HS3ST4: variants seen among roughly 807,000 people sequenced by gnomAD.
HS3ST4 encodes heparan sulfate-glucosamine 3-sulfotransferase 4.
Under a neutral mutation model 29.2 loss-of-function variants are expected in HS3ST4, and 17 were observed. The ratio of observed to expected loss-of-function variants is 0.58; its 90% CI spans 0.40 to 0.87. The LOEUF is 0.87. HS3ST4 is among the 40% of genes least tolerant of loss of function. HS3ST4 has a pLI of 0.00. For missense variants in HS3ST4, 627 were observed against 634.5 expected (o/e 0.99, Z 0.13); for synonymous variants, 314 against 285.7 (o/e 1.10, Z -1.00).
At chr16:25,953,922 G>A (rs1421062120) in intron 1 of HS3ST4, among the ~76,000 whole-genome samples, 1 of 152,142 alleles carries the variant, frequency 6.6e-6, no homozygotes, top group Non-Finnish European at 1.5e-5. Context: ...TTGATTGAGG[G>A]GTGCTCCTGC....
rs534065435 is a variant in HS3ST4 at position 25,908,324 on chromosome 16, T to C, written c.734+215173T>C. On this transcript the variant is annotated intron_variant, in intron 1 of 1. Coordinates refer to ENST00000331351, the MANE Select transcript of HS3ST4 (RefSeq NM_006040.3). The stretch of plus-strand genomic sequence containing the variant: ...GCTGAGTCCATGAACTGACCCTTCC[T>C]TCCTTACATGCTTAAAAGATGTGGT... Among the ~76,000 whole-genome samples, 4 of 152,340 alleles carry C rather than the reference T, an allele frequency of 2.6e-5. No individual in the cohort carries two copies. The East Asian group carries it at 7.7e-4, about 29-fold the overall frequency.
chr16:25,695,636 G>T (rs1241185676), intron 1 of HS3ST4, among the ~76,000 whole-genome samples: 2 of 152,146 alleles, frequency 1.3e-5, no homozygotes, highest in Admixed American at 6.5e-5. Flanking sequence ...CTGATCAGTG[G>T]CATCGATTCC....
At chr16:25,774,235 G>A (rs1966845493) in intron 1 of HS3ST4, among the ~76,000 whole-genome samples, 1 of 152,264 alleles carries the variant, frequency 6.6e-6, no homozygotes, top group Admixed American at 6.5e-5. Flanking sequence ...AACAGCCACA[G>A]TGAGAGTGCT....
intron 1 of HS3ST4, among the ~76,000 whole-genome samples, chr16:25,850,291 A>G (rs758112098): frequency 3.3e-5 from 5 of 152,018 alleles, no homozygotes; most frequent in African/African-American, 1.2e-4. Flanking sequence ...CCCGGCCCCT[A>G]TTTTTTTAAA....
intron 1 of HS3ST4, among the ~76,000 whole-genome samples, chr16:25,944,211 A>G (rs1434128335): frequency 2.0e-5 from 3 of 152,194 alleles, no homozygotes; most frequent in Admixed American, 2.0e-4. Context: ...CAGACACTGG[A>G]GAGTGGGTAA....
intron 1 of HS3ST4, among the ~76,000 whole-genome samples, chr16:26,065,909 G>A (rs558124107): frequency 2.6e-5 from 4 of 152,300 alleles, no homozygotes; most frequent in South Asian, 4.1e-4. Flanking sequence ...CCTTGCACTG[G>A]CTTCTTAGTT....
chr16:25,798,121 A>G (rs555710838), intron 1 of HS3ST4, among the ~76,000 whole-genome samples: 1 of 151,556 alleles, frequency 6.6e-6, no homozygotes, highest in South Asian at 2.1e-4. Flanking sequence ...GGAGTAAAAA[A>G]CTCCCTCACT....
chr16:26,022,383 C>A (rs1382148053), intron 1 of HS3ST4, among the ~76,000 whole-genome samples: 1 of 152,178 alleles, frequency 6.6e-6, no homozygotes, highest in Non-Finnish European at 1.5e-5. Context: ...CACTCTTCAT[C>A]TGCAATTACA....
At chr16:25,703,486 C>T (rs940436063) in intron 1 of HS3ST4, among the ~76,000 whole-genome samples, 1 of 152,202 alleles carries the variant, frequency 6.6e-6, no homozygotes, top group Admixed American at 6.5e-5. Flanking sequence ...GTAAGTCACT[C>T]GCTCAAACTG....
At chr16:26,001,624 C>T (rs1040111706) in intron 1 of HS3ST4, among the ~76,000 whole-genome samples, 1 of 151,902 alleles carries the variant, frequency 6.6e-6, no homozygotes, top group Non-Finnish European at 1.5e-5. Flanking sequence ...ATAAGTCGTC[C>T]CTGATTCAGA....
chr16:25,985,894 A>G (rs943684268), intron 1 of HS3ST4, among the ~76,000 whole-genome samples: 7 of 152,118 alleles, frequency 4.6e-5, no homozygotes, highest in African/African-American at 1.7e-4. Context: ...TGTGTTGCCC[A>G]TGCTGGTCTC....
chr16:26,112,014 C>A (rs1235132664), intron 1 of HS3ST4, among the ~76,000 whole-genome samples: 83 of 136,318 alleles, frequency 6.1e-4, no homozygotes, highest in South Asian at 1.2e-3. Context: ...AGACTCCACT[C>A]AAAAAAAAAA....
In HS3ST4 at chr16:25,764,335, C is replaced by A. The variant is rs570943636; in HGVS notation, c.734+71184C>A. On this transcript the variant is annotated intron_variant, in intron 1 of 1. Coordinates refer to ENST00000331351, the MANE Select transcript of HS3ST4 (RefSeq NM_006040.3). Reference sequence around the variant, plus strand: ...CTAGGGCAGACACATTTATCAATGTCTTTTAATTTAGCATTCACAGTACAA... The same window carrying A: ...CTAGGGCAGACACATTTATCAATGTATTTTAATTTAGCATTCACAGTACAA... 3.3e-5 allele frequency among the ~76,000 whole-genome samples: 5 copies of A among 152,262 alleles called. No individual in the cohort carries two copies. In the South Asian group the frequency reaches 1.0e-3, roughly 32 times the overall value.
At chr16:25,900,483 C>T (rs962378811) in intron 1 of HS3ST4, among the ~76,000 whole-genome samples, 5 of 151,982 alleles carry the variant, frequency 3.3e-5, no homozygotes, top group Non-Finnish European at 7.4e-5. Flanking sequence ...TGTATCCTAA[C>T]CCATAAGAAT....
At chr16:25,782,055 A>T (rs1966853117) in intron 1 of HS3ST4, among the ~76,000 whole-genome samples, 1 of 152,330 alleles carries the variant, frequency 6.6e-6, no homozygotes, top group Admixed American at 6.5e-5. Flanking sequence ...CGGGAAATTT[A>T]CAATCATGGC....
rs117462417 is a variant in HS3ST4, at chr16:25,726,652, A to C, written c.734+33501A>C. Among the ~76,000 whole-genome samples the C allele has an allele frequency of 4.0e-4, 61 of 152,296 alleles. No individual in the cohort carries two copies. The East Asian group carries it at 0.012, about 29-fold the overall frequency. ...ATATGCCCTTGTTCTCCCTGCCCTC[A>C]CATATGAAAACCATATTCTTTGAGT... On this transcript the variant is annotated intron_variant, in intron 1 of 1. Transcript: ENST00000331351.
At chr16:25,967,668 G>C (rs80238546) in intron 1 of HS3ST4, among the ~76,000 whole-genome samples, 1 of 152,152 alleles carries the variant, frequency 6.6e-6, no homozygotes, top group East Asian at 1.9e-4. Context: ...TCACTAGTTT[G>C]CCTTAATTTC....
At chr16:25,859,586 GC>G (rs1967617351) in intron 1 of HS3ST4, among the ~76,000 whole-genome samples, 1 of 152,142 alleles carries the variant, frequency 6.6e-6, no homozygotes, top group East Asian at 1.9e-4. Context: ...CCTCATGGCT[GC>G]CCGTAGTATT....
chr16:25,809,216 GT>G (rs370516984), intron 1 of HS3ST4, among the ~76,000 whole-genome samples: 1 of 152,200 alleles, frequency 6.6e-6, no homozygotes, highest in African/African-American at 2.4e-5. Context: ...TAAGTATGAT[GT>G]TATGTATAGG....
Sources: allele counts gnomAD v4.1 joint callset (sites outside exome capture counted in the v4.1 genomes callset), GRCh38; gene constraint gnomAD v4.1.1; transcripts MANE v1.5; gene names NCBI Gene and HGNC (gene_info 2026-07-23, HGNC 2026-07-21).